The following PCDH15 variants were observed in gnomAD, a reference collection of about 807,000 sequenced individuals.
PCDH15 encodes protocadherin related 15, also known as protocadherin-15.
PCDH15 carries 129 observed loss-of-function variants against 178.5 expected under a neutral mutation model. The ratio of observed to expected loss-of-function variants is 0.72; its 90% CI spans 0.63 to 0.84. The LOEUF (loss-of-function observed/expected upper bound fraction) is 0.84, where lower values mean the gene tolerates loss of function less well. Among genes scored for constraint, PCDH15 ranks in the 40% least tolerant of loss-of-function variants. The pLI is 0.00. For synonymous variants in PCDH15, 800 were observed against 732.0 expected, an observed-to-expected ratio of 1.09 and a Z score of -1.50; for missense variants, 2,230 against 2,099.9, an observed-to-expected ratio of 1.06 and a Z score of -1.21.
At chr10:54,383,318 A>G (rs1241758192) in intron 3 of PCDH15, among the ~76,000 whole-genome samples, 1 of 152,166 alleles carries the variant, frequency 6.6e-6, no homozygotes, top group African/African-American at 2.4e-5. Context: ...AACCGTTGAT[A>G]ACTTTTCATG....
intron 23 of PCDH15, among the ~76,000 whole-genome samples, chr10:53,956,082 T>A (rs2087585729): frequency 1.3e-5 from 2 of 152,186 alleles, no homozygotes; most frequent in Non-Finnish European, 2.9e-5. Flanking sequence ...GAATGACTTT[T>A]AAATATGATT....
intron 2 of PCDH15, among the ~76,000 whole-genome samples, chr10:54,961,760 A>G (rs1838661621): frequency 6.6e-6 from 1 of 150,916 alleles, no homozygotes; most frequent in Non-Finnish European, 1.5e-5. Flanking sequence ...AAAGGTCCTA[A>G]TCACTTTCGG....
At chr10:54,055,673 C>A (rs535069213) in intron 18 of PCDH15, among the ~76,000 whole-genome samples, 2 of 152,188 alleles carry the variant, frequency 1.3e-5, no homozygotes, top group South Asian at 2.1e-4. Context: ...TCCCTCCCCC[C>A]TCAACCTCCA....
intron 2 of PCDH15, among the ~76,000 whole-genome samples, chr10:55,076,764 C>CTTTTTT (rs902966495): frequency 1.7e-4 from 18 of 106,774 alleles, no homozygotes; most frequent in African/African-American, 5.0e-4. Flanking sequence ...GGCCTGTGAC[C>CTTTTTT]TTTTTTTTTT....
chr10:54,029,169 C>A (rs1043898150), intron 18 of PCDH15, among the ~76,000 whole-genome samples: 7 of 152,030 alleles, frequency 4.6e-5, no homozygotes, highest in African/African-American at 1.7e-4. Flanking sequence ...TCTAGATGAA[C>A]ATGTAGATGT....
intron 2 of PCDH15, among the ~76,000 whole-genome samples, chr10:54,564,357 T>C (rs2088685530): frequency 6.6e-6 from 1 of 152,148 alleles, no homozygotes; most frequent in East Asian, 1.9e-4. Context: ...AAATAGGAAT[T>C]AAAGTCAGCA....
At chr10:53,956,626 T>C (rs953344417) in intron 23 of PCDH15, among the ~76,000 whole-genome samples, 38 of 152,152 alleles carry the variant, frequency 2.5e-4, no homozygotes, top group Non-Finnish European at 4.9e-4. Flanking sequence ...TTAGCATCTC[T>C]GGGAGTTATG....
rs568019373 is a variant in PCDH15 at position 55,573,810 on chromosome 10, G to A, written c.-156+53815C>T. The stretch of plus-strand genomic sequence containing the variant: ...TGACCCATTTTCTGTGTAAAACAAT[G>A]TATGGTCTATGATGTTTCCATTTCT... On this transcript the variant is annotated intron_variant, in intron 2 of 5. Transcript: ENST00000613346. 1.1e-4 allele frequency among the ~76,000 whole-genome samples: 17 copies of A among 151,926 alleles called. No individual in the cohort carries two copies. In the East Asian group the frequency reaches 3.3e-3, roughly 29 times the overall value.
intron 1 of PCDH15, among the ~76,000 whole-genome samples, chr10:54,717,432 C>T (rs1241752059): frequency 1.4e-5 from 2 of 142,970 alleles, no homozygotes; most frequent in African/African-American, 5.4e-5. Context: ...CAAACAACCC[C>T]ATCAAAAAGT....
chr10:55,045,551 T>C (rs1391760048), intron 2 of PCDH15, among the ~76,000 whole-genome samples: 1 of 152,130 alleles, frequency 6.6e-6, no homozygotes, highest in African/African-American at 2.4e-5. Flanking sequence ...GTTTCATATG[T>C]TATTCTTGTT....
At chr10:53,923,337 G>A (rs74134928) in intron 25 of PCDH15, among the ~76,000 whole-genome samples, 14,393 of 152,116 alleles carry the variant, frequency 0.095, 1,526 homozygotes, top group East Asian at 0.28. Context: ...TTGAACTTAC[G>A]AAAGTTCCTG....
At chr10:53,879,516 A>T (rs2080533177) in intron 26 of PCDH15, among the ~76,000 whole-genome samples, 1 of 152,132 alleles carries the variant, frequency 6.6e-6, no homozygotes, top group African/African-American at 2.4e-5. Context: ...ATTTAATTTG[A>T]TTTGAATGCT....
At chr10:54,307,674 C>T (rs1041541721) in intron 8 of PCDH15, among the ~76,000 whole-genome samples, 2 of 151,864 alleles carry the variant, frequency 1.3e-5, no homozygotes, top group African/African-American at 4.8e-5. Context: ...ACAATGCCAA[C>T]TCTGTTTATT....
rs199991734 is a variant in PCDH15 at position 53,860,625 on chromosome 10, G to A, written c.3718-3362C>T. On this transcript the variant is annotated intron_variant, in intron 27 of 37. Transcript: ENST00000644397. Reference sequence around the variant, plus strand: ...GCATGCCTGTAATTCCAGCTACTCTGGAGGTTGAGGCACGAGAATTGCTTG... The same window carrying A: ...GCATGCCTGTAATTCCAGCTACTCTAGAGGTTGAGGCACGAGAATTGCTTG... 5.3e-5 allele frequency among the ~76,000 whole-genome samples: 8 copies of A among 151,386 alleles called. No individual in the cohort carries two copies. The East Asian group carries it at 9.8e-4, about 19-fold the overall frequency.
intron 1 of PCDH15, among the ~76,000 whole-genome samples, chr10:55,193,714 A>G (rs1253953571): frequency 2.6e-5 from 4 of 151,990 alleles, no homozygotes; most frequent in African/African-American, 9.7e-5. Context: ...TCATGCATTT[A>G]GTACTGGAGA....
intron 2 of PCDH15, among the ~76,000 whole-genome samples, chr10:55,008,564 G>C (rs958832407): frequency 3.9e-5 from 6 of 152,110 alleles, no homozygotes; most frequent in Non-Finnish European, 1.5e-5. Context: ...ATTCAGCCCT[G>C]CTAACTGCAG....
chr10:54,291,204 A>C (rs2133004757), intron 8 of PCDH15, among the ~76,000 whole-genome samples: 1 of 152,292 alleles, frequency 6.6e-6, no homozygotes. Context: ...AAACTGAAAA[A>C]CCTGCTCCTG....
intron 2 of PCDH15, among the ~76,000 whole-genome samples, chr10:55,075,253 G>A (rs955832365): frequency 3.3e-5 from 5 of 151,856 alleles, no homozygotes; most frequent in Admixed American, 2.0e-4. Context: ...AGTCTCTAAT[G>A]ATTCCTTGTA....
At chr10:53,809,655 A>G in intron 37 of PCDH15, 2 of 1,020,248 alleles carry the variant, frequency 2.0e-6, no homozygotes, top group South Asian at 1.6e-5. Context: ...AGCTTCATGC[A>G]TGTTATATAA....
Sources: allele counts gnomAD v4.1 joint callset (sites outside exome capture counted in the v4.1 genomes callset), GRCh38; gene constraint gnomAD v4.1.1; transcripts MANE v1.5; gene names NCBI Gene and HGNC (gene_info 2026-07-23, HGNC 2026-07-21).